Variants in SGK2 observed in about 807,000 individuals in gnomAD.
The protein encoded by SGK2 is serine/threonine-protein kinase Sgk2.
Under a neutral mutation model 47.5 loss-of-function variants are expected in SGK2, and 36 were observed. That is an observed-to-expected ratio of 0.76 (90% CI 0.58 to 1.00). The LOEUF (loss-of-function observed/expected upper bound fraction) is 1.00, where lower values mean the gene tolerates loss of function less well. SGK2 is among the 50% of genes least tolerant of loss of function. The probability of loss-of-function intolerance (pLI) is 0.00; values close to 1 mark genes in which losing one functional copy is unlikely to be tolerated. For missense variants in SGK2, 404 were observed against 467.4 expected (o/e 0.86, Z 1.25); for synonymous variants, 157 against 181.9 (o/e 0.86, Z 1.10).
At chr20:43,564,075 T>C (rs1407762179) in intron 1 of SGK2, among the ~76,000 whole-genome samples, 1 of 152,214 alleles carries the variant, frequency 6.6e-6, no homozygotes, top group African/African-American at 2.4e-5. Context: ...TCCTTTATTC[T>C]TGAGAACATC....
At chr20:43,566,946 A>AG (rs1166010170) in intron 2 of SGK2, 122 bp from the exon 3 acceptor site, 1 of 746,188 alleles carries the variant, frequency 1.3e-6, no homozygotes, top group African/African-American at 1.8e-5. Flanking sequence ...TGAAAAAAAA[A>AG]GAAAAGAAAA....
At chr20:43,571,158 G>T in intron 8 of SGK2, 98 bp downstream of exon 8, 1 of 1,547,986 alleles carries the variant, frequency 6.5e-7, no homozygotes, top group Admixed American at 1.7e-5. Flanking sequence ...GGGTGTGCAT[G>T]CATTGTACAT....
chr20:43,566,365 G>C, intron 1 of SGK2, 108 bp from the exon 2 acceptor site: 2 of 1,613,988 alleles, frequency 1.2e-6, no homozygotes, highest in Non-Finnish European at 1.7e-6. Flanking sequence ...GGTGGCAGGT[G>C]CACAGGTAGG....
chr20:43,576,422 C>A lies in SGK2; in HGVS notation c.849+43C>A, dbSNP rs773048663. 3.2e-6 allele frequency: 5 copies of A among 1,564,056 alleles called. No individual in the cohort carries two copies. In the South Asian group the frequency reaches 4.6e-5, roughly 14 times the overall value. On this transcript the variant is annotated intron_variant, in intron 11 of 12. Transcript: ENST00000373100. ...GGAGCACTGGCCCCCATGGGGCTCG[C>A]AGCTTCCTGCAGAGGCAGCTCAGAA...
chr20:43,571,064 GGTGTGTGTGTGTGTGT>G lies in SGK2; in HGVS notation c.510+27_510+42del, dbSNP rs11467250. On this transcript the variant is annotated splice_donor_5th_base_variant and intron_variant, in intron 8 of 12. Coordinates refer to ENST00000373100, the MANE Select transcript of SGK2 (RefSeq NM_170693.3). ...GAACATTCTCTTGGACTGCCAGGTT[GGTGTGTGTGTGTGTGT>G]GTGTGTGTGTGTGTGTGTGTGTATG... 8.3e-6 allele frequency: 13 copies of G among 1,566,060 alleles called. No individual in the cohort carries two copies. Among genetic ancestry groups the G allele is most frequent in the East Asian group, 4.5e-5 (2 of 44,264 alleles).
chr20:43,580,416 T>C (rs139191641), intron 12 of SGK2, among the ~76,000 whole-genome samples: 109 of 152,266 alleles, frequency 7.2e-4, no homozygotes, highest in African/African-American at 2.4e-3. Flanking sequence ...AAAAATGACA[T>C]ATATCCTTAT....
At chr20:43,580,182 A>G in intron 12 of SGK2, 121 bp downstream of exon 12, 1 of 617,486 alleles carries the variant, frequency 1.6e-6, no homozygotes, top group Non-Finnish European at 2.9e-6. Flanking sequence ...CATTTGTCCT[A>G]GGCTACACAG....
intron 2 of SGK2, 103 bp from the exon 3 acceptor site, chr20:43,566,965 A>C (rs952928392): frequency 1.2e-6 from 1 of 866,924 alleles, no homozygotes; most frequent in Non-Finnish European, 1.9e-6. Flanking sequence ...AAAGGCAGGC[A>C]GGCCTAGTAG....
chr20:43,575,815 G>A (rs1980428007), intron 10 of SGK2, among the ~76,000 whole-genome samples: 1 of 152,160 alleles, frequency 6.6e-6, no homozygotes, highest in African/African-American at 2.4e-5. Context: ...AAGAGAAGGG[G>A]ACCCTGGATA....
chr20:43,565,166 G>C (rs1188589609), intron 1 of SGK2: 1 of 152,282 alleles, frequency 6.6e-6, no homozygotes, highest in East Asian at 1.9e-4. Flanking sequence ...CTGGGGCCAG[G>C]CCGGCACCAG....
intron 5 of SGK2, among the ~76,000 whole-genome samples, chr20:43,569,023 A>C (rs958676458): frequency 3.3e-5 from 5 of 152,178 alleles, no homozygotes; most frequent in Non-Finnish European, 7.3e-5. Flanking sequence ...GGAAGAGGAA[A>C]TAGCATGAGC....
At chr20:43,576,144 G>A (rs928887942) in intron 10 of SGK2, 80 bp from the exon 11 acceptor site, 14 of 1,541,628 alleles carry the variant, frequency 9.1e-6, no homozygotes, top group African/African-American at 5.4e-5. Flanking sequence ...CCTCCCAGCC[G>A]CCCACCTTGC....
chr20:43,579,523 T>C (rs147994326), intron 11 of SGK2, among the ~76,000 whole-genome samples: 64 of 152,304 alleles, frequency 4.2e-4, no homozygotes, highest in African/African-American at 1.5e-3. Flanking sequence ...GAAGGTCTTC[T>C]TGGGGGCTTT....
At chr20:43,560,017 A>T (rs1481177649) in intron 1 of SGK2, among the ~76,000 whole-genome samples, 1 of 151,776 alleles carries the variant, frequency 6.6e-6, no homozygotes, top group Non-Finnish European at 1.5e-5. Context: ...AAATTAGAAC[A>T]CCGTGGTGCG....
Position 43,572,206 on chromosome 20 carries a change from AC to A in SGK2, c.597+70del. 2 of 1,172,296 alleles carry A rather than the reference AC, an allele frequency of 1.7e-6. No homozygotes were observed. The highest frequency in any genetic ancestry group is 2.5e-6 in the Non-Finnish European group (2 of 804,136). 72.6% of individuals were successfully genotyped at this position (1,172,296 alleles called of 1,614,324 possible). On this transcript the variant is annotated intron_variant, in intron 9 of 12. Transcript: ENST00000373100. The surrounding 1 kb of genome is among the most constrained non-coding windows in gnomAD (Gnocchi z 4.2). ...AGGCCACAGCTCCTGATTAGAGCCA[AC>A]AGGTTACAGTGAAGGGGACTCACTC...
chr20:43,575,466 A>AAC (rs1980408799), intron 10 of SGK2, among the ~76,000 whole-genome samples: 2 of 150,536 alleles, frequency 1.3e-5, no homozygotes, highest in Admixed American at 1.3e-4. Flanking sequence ...CTCTGTCTCA[A>AAC]AAAAAAAAAA....
chr20:43,569,363 C>T (rs1979955485), intron 5 of SGK2, 22 bp from the exon 6 acceptor site: 3 of 1,612,970 alleles, frequency 1.9e-6, no homozygotes, highest in Non-Finnish European at 2.5e-6. Flanking sequence ...TGACATGGAC[C>T]CCTCTCTTTG....
intron 11 of SGK2, among the ~76,000 whole-genome samples, chr20:43,578,951 C>T (rs1980625630): frequency 6.6e-6 from 1 of 151,792 alleles, no homozygotes; most frequent in South Asian, 2.1e-4. Flanking sequence ...CTTCCAGCCA[C>T]CCAGTTCCTC....
At chr20:43,560,404 C>G (rs2145523167) in intron 1 of SGK2, among the ~76,000 whole-genome samples, 1 of 150,906 alleles carries the variant, frequency 6.6e-6, no homozygotes, top group African/African-American at 2.4e-5. Context: ...GAGGCTGAGA[C>G]AGGAGAATTG....
Sources: allele counts gnomAD v4.1 joint callset (sites outside exome capture counted in the v4.1 genomes callset), GRCh38; gene constraint gnomAD v4.1.1; non-coding constraint Gnocchi (gnomAD v3.1); transcripts MANE v1.5; gene names NCBI Gene and HGNC (gene_info 2026-07-23, HGNC 2026-07-21).